The following TYR variants were observed in gnomAD, a reference collection of about 807,000 sequenced individuals.
TYR encodes LB24-AB.
In TYR, 58 loss-of-function variants were observed where a neutral mutation model predicts 51.5. The ratio of observed to expected loss-of-function variants is 1.13; its 90% confidence interval spans 0.91 to 1.40. The LOEUF (loss-of-function observed/expected upper bound fraction) is 1.40, where lower values mean the gene tolerates loss of function less well. Ranked by LOEUF, TYR falls within the 40% of genes most tolerant of loss-of-function variation. TYR has a pLI of 0.00. For missense variants in TYR, 732 were observed against 647.4 expected, an observed-to-expected ratio of 1.13 and a Z score of -1.42; for synonymous variants, 263 against 235.2, an observed-to-expected ratio of 1.12 and a Z score of -1.08.
chr11:89,218,015 A>G (rs1162634575), intron 2 of TYR, among the ~76,000 whole-genome samples: 1 of 152,250 alleles, frequency 6.6e-6, no homozygotes, highest in African/African-American at 2.4e-5. Flanking sequence ...CTATCCTAAC[A>G]TCTACTGTTA....
Position 89,178,509 on chromosome 11 carries a change from GATGCACTGCTTGGGGGATCTGA to G in TYR, c.558_579del (p.Asp186GlufsTer33). 6.2e-7 allele frequency: 1 copy of G among 1,614,136 alleles called. No homozygotes were observed. The highest frequency in any genetic ancestry group is 8.5e-7 in the Non-Finnish European group (1 of 1,180,020). On this transcript the variant is annotated frameshift_variant, in exon 1 of 5. Coordinates refer to ENST00000263321, the MANE Select transcript of TYR (RefSeq NM_000372.5). LOFTEE classifies it high-confidence loss of function. ...CTGGATGCATTATTATGTGTCAATGGATGCACTGCTTGGGGGATCTGAAATCTGGAGAGACATTGATTTTGCC... is the reference window on the plus strand; with the variant it reads ...CTGGATGCATTATTATGTGTCAATGGAATCTGGAGAGACATTGATTTTGCC...
intron 3 of TYR, among the ~76,000 whole-genome samples, chr11:89,230,111 T>A (rs1219306922): frequency 6.6e-6 from 1 of 152,050 alleles, no homozygotes; most frequent in Non-Finnish European, 1.5e-5. Context: ...GAACAAAGCA[T>A]CATATTTCCT....
chr11:89,245,899 C>T (rs1163159775), intron 3 of TYR, among the ~76,000 whole-genome samples: 1 of 149,092 alleles, frequency 6.7e-6, no homozygotes. Context: ...CCAGCCCGGG[C>T]GACAGAGCAA....
chr11:89,191,564 C>T, intron 2 of TYR, 146 bp downstream of exon 2: 1 of 758,582 alleles, frequency 1.3e-6, no homozygotes, highest in Non-Finnish European at 2.2e-6. Flanking sequence ...GACAATGACC[C>T]TAGCTGACAC....
intron 2 of TYR, among the ~76,000 whole-genome samples, chr11:89,222,738 TA>T (rs575145567): frequency 0.031 from 4,556 of 147,016 alleles, 237 homozygotes; most frequent in African/African-American, 0.11. Context: ...GACTCCATCT[TA>T]AAAAAAAAAA....
At chr11:89,284,711 T>A (rs1395382074) in intron 3 of TYR, 62 bp from the exon 4 acceptor site, 20 of 1,527,702 alleles carry the variant, frequency 1.3e-5, no homozygotes, top group Non-Finnish European at 1.8e-5. Context: ...ACTTTAAAAA[T>A]TTTCAAATGT....
intron 2 of TYR, among the ~76,000 whole-genome samples, chr11:89,206,054 G>A (rs561944455): frequency 2.3e-4 from 35 of 151,898 alleles, no homozygotes; most frequent in African/African-American, 8.0e-4. Flanking sequence ...AATAAAAATG[G>A]AATTTGTAAA....
chr11:89,195,214 G>C (rs1369644548), intron 2 of TYR, among the ~76,000 whole-genome samples: 4 of 152,014 alleles, frequency 2.6e-5, no homozygotes, highest in Non-Finnish European at 2.9e-5. Context: ...TTCTTTCTTG[G>C]TCTCGTGAGA....
At chr11:89,191,473 C>G in intron 2 of TYR, 55 bp downstream of exon 2, 1 of 1,539,802 alleles carries the variant, frequency 6.5e-7, no homozygotes, top group Non-Finnish European at 9.0e-7. Flanking sequence ...TTTACAGTCT[C>G]TTATCCAAAG....
chr11:89,216,503 A>G (rs746118940), intron 2 of TYR, among the ~76,000 whole-genome samples: 26 of 151,894 alleles, frequency 1.7e-4, no homozygotes, highest in Non-Finnish European at 3.7e-4. Flanking sequence ...AATACAAAAA[A>G]TTAGCCAGGC....
chr11:89,205,911 A>C (rs1943666391), intron 2 of TYR, among the ~76,000 whole-genome samples: 1 of 152,202 alleles, frequency 6.6e-6, no homozygotes, highest in African/African-American at 2.4e-5. Flanking sequence ...TATTTAAGAC[A>C]AATAAGGTTT....
chr11:89,203,284 A>T (rs1308224500), intron 2 of TYR, among the ~76,000 whole-genome samples: 3 of 152,196 alleles, frequency 2.0e-5, no homozygotes, highest in Admixed American at 6.5e-5. Flanking sequence ...ATCTGACTCC[A>T]AGGCTGATAC....
At chr11:89,196,457 G>A (rs536299129) in intron 2 of TYR, among the ~76,000 whole-genome samples, 5 of 152,266 alleles carry the variant, frequency 3.3e-5, no homozygotes, top group South Asian at 2.1e-4. Flanking sequence ...ACTTCTTGGC[G>A]TTTAATGGTG....
chr11:89,244,090 A>G (rs1185939153), intron 3 of TYR, among the ~76,000 whole-genome samples: 2 of 152,182 alleles, frequency 1.3e-5, no homozygotes, highest in African/African-American at 2.4e-5. Flanking sequence ...CATTTTTGCA[A>G]TAATATCAAA....
At chr11:89,221,058 G>A (rs1943905955) in intron 2 of TYR, among the ~76,000 whole-genome samples, 1 of 152,156 alleles carries the variant, frequency 6.6e-6, no homozygotes, top group Non-Finnish European at 1.5e-5. Flanking sequence ...TTGTCTTTGT[G>A]CAAACAATGA....
rs746853359 is a variant in TYR, at chr11:89,177,933, C to T, written c.-21C>T. ...CTCCAATTAGCCAGTTCCTGCAGACCTTGTGAGGACTAGAGGAAGAATGCT... is the reference window on the plus strand; with the variant it reads ...CTCCAATTAGCCAGTTCCTGCAGACTTTGTGAGGACTAGAGGAAGAATGCT... On this transcript the variant is annotated 5_prime_UTR_variant, in exon 1 of 5. Transcript: ENST00000263321. 3 of 1,612,782 alleles carry T rather than the reference C, an allele frequency of 1.9e-6. No individual in the cohort carries two copies. Among genetic ancestry groups the T allele is most frequent in the Non-Finnish European group, 1.7e-6 (2 of 1,179,364 alleles).
chr11:89,186,476 A>C (rs1943374310), intron 1 of TYR, among the ~76,000 whole-genome samples: 1 of 152,040 alleles, frequency 6.6e-6, no homozygotes, highest in South Asian at 2.1e-4. Flanking sequence ...AGCCCTACCT[A>C]GTTTCCACCT....
At chr11:89,257,925 A>T (rs893672875) in intron 3 of TYR, among the ~76,000 whole-genome samples, 7 of 152,062 alleles carry the variant, frequency 4.6e-5, no homozygotes, top group Admixed American at 4.6e-4. Flanking sequence ...TCATGCATAT[A>T]GTCTTTCCTG....
intron 2 of TYR, 102 bp downstream of exon 2, chr11:89,191,520 T>A: frequency 8.6e-7 from 1 of 1,159,762 alleles, no homozygotes; most frequent in Non-Finnish European, 1.3e-6. Context: ...ATTTTCTGAG[T>A]TGACCAAGAA....
Sources: gnomAD v4.1 joint callset for allele counts (sites outside exome capture counted in the v4.1 genomes callset) on GRCh38, gnomAD v4.1.1 for gene constraint, MANE v1.5 for transcripts, NCBI Gene and HGNC (gene_info 2026-07-23, HGNC 2026-07-21) for gene names.